The following LEF1 variants were observed in gnomAD, a reference collection of about 807,000 sequenced individuals.
The protein encoded by LEF1 is lymphoid enhancer-binding factor 1.
In LEF1, 14 loss-of-function variants were observed where a neutral mutation model predicts 51.2. The observed-to-expected ratio is 0.27, with a 90% CI of 0.18 to 0.43. The LOEUF (loss-of-function observed/expected upper bound fraction) is 0.43, where lower values mean the gene tolerates loss of function less well. Among genes scored for constraint, LEF1 ranks in the 20% least tolerant of loss-of-function variants. The probability of loss-of-function intolerance (pLI) is 1.00; values close to 1 mark genes in which losing one functional copy is unlikely to be tolerated. For synonymous variants in LEF1, 185 were observed against 183.2 expected, an observed-to-expected ratio of 1.01 and a Z score of -0.08; for missense variants, 386 against 512.0, an observed-to-expected ratio of 0.75 and a Z score of 2.37.
At chr4:108,157,549 G>A (rs80082245) in intron 3 of LEF1, among the ~76,000 whole-genome samples, 6,248 of 152,218 alleles carry the variant, frequency 0.041, 420 homozygotes, top group African/African-American at 0.14. Flanking sequence ...TCCACATAGG[G>A]TTATGTGTGA....
intron 3 of LEF1, among the ~76,000 whole-genome samples, chr4:108,158,610 G>A (rs2201967): frequency 0.041 from 6,225 of 151,816 alleles, 417 homozygotes; most frequent in African/African-American, 0.14. Context: ...TAAAATTCCA[G>A]TCATGTCTAT....
chr4:108,059,311 G>T (rs1364336895), intron 11 of LEF1, among the ~76,000 whole-genome samples: 1 of 152,144 alleles, frequency 6.6e-6, no homozygotes, highest in Admixed American at 6.5e-5. Flanking sequence ...AAACCCATAG[G>T]ATCTTTAAAG....
At chr4:108,107,550 TAA>T (rs556664249) in intron 3 of LEF1, among the ~76,000 whole-genome samples, 1 of 147,830 alleles carries the variant, frequency 6.8e-6, no homozygotes, top group African/African-American at 2.5e-5. Context: ...AGCTGTCTTG[TAA>T]AAAAAAAAAT....
chr4:108,161,755 T>G (rs1745066894), intron 3 of LEF1, among the ~76,000 whole-genome samples: 1 of 152,176 alleles, frequency 6.6e-6, no homozygotes, highest in Non-Finnish European at 1.5e-5. Context: ...AAGTAGCTGA[T>G]CTTTTTAAGA....
intron 3 of LEF1, among the ~76,000 whole-genome samples, chr4:108,149,921 TG>T (rs1401297387): frequency 6.6e-6 from 1 of 151,524 alleles, no homozygotes; most frequent in Non-Finnish European, 1.5e-5. Flanking sequence ...TGTTCTTTCA[TG>T]GGTTTTCCCC....
At chr4:108,158,417 A>T (rs1019998991) in intron 3 of LEF1, among the ~76,000 whole-genome samples, 1 of 142,996 alleles carries the variant, frequency 7.0e-6, no homozygotes, top group African/African-American at 2.4e-5. Flanking sequence ...TCCCTTAAAA[A>T]AAGAGAGAGA....
chr4:108,153,716 T>C (rs1056400783), intron 3 of LEF1, among the ~76,000 whole-genome samples: 2 of 152,286 alleles, frequency 1.3e-5, no homozygotes, highest in African/African-American at 4.8e-5. Flanking sequence ...AGTTAGAATA[T>C]ATGCACTTCA....
intron 3 of LEF1, among the ~76,000 whole-genome samples, chr4:108,137,133 GT>G (rs1743314344): frequency 6.6e-6 from 1 of 152,288 alleles, no homozygotes; most frequent in African/African-American, 2.4e-5. Context: ...ACGAAGAATA[GT>G]TTTTTAAATA....
intron 3 of LEF1, among the ~76,000 whole-genome samples, chr4:108,102,794 C>T (rs1560791514): frequency 1.3e-5 from 2 of 152,146 alleles, no homozygotes; most frequent in South Asian, 4.1e-4. Flanking sequence ...TGTGGTATAG[C>T]TATGAATGAG....
Position 108,092,930 on chromosome 4 carries a change from A to C in LEF1, c.415-3673T>G, listed in dbSNP as rs543781755. The stretch of plus-strand genomic sequence containing the variant: ...ACAATGAATATGTAAAAAAAAAAAA[A>C]AAAAAAAAAAAAAAAAAAAGACAAG... On this transcript the variant is annotated intron_variant, in intron 3 of 11. Transcript: ENST00000265165. Among the ~76,000 whole-genome samples, 30 of 143,834 alleles carry C rather than the reference A, an allele frequency of 2.1e-4. 1 individual carries two copies. The highest frequency in any genetic ancestry group is 3.5e-3 in the Middle Eastern group (1 of 286). The allele number at this position is 143,834 out of a possible 152,430, so 94.4% of individuals were successfully genotyped here.
chr4:108,104,377 T>G (rs1419901833), intron 3 of LEF1, among the ~76,000 whole-genome samples: 4 of 150,446 alleles, frequency 2.7e-5, no homozygotes, highest in Non-Finnish European at 4.4e-5. Context: ...AAGGCTAATT[T>G]TACTTTATAC....
At chr4:108,125,018 A>C (rs1444818322) in intron 3 of LEF1, among the ~76,000 whole-genome samples, 1 of 152,202 alleles carries the variant, frequency 6.6e-6, no homozygotes, top group Non-Finnish European at 1.5e-5. Context: ...GCTCATTCTG[A>C]CTTAGAATTC....
At chr4:108,059,088 C>T (rs966248910) in intron 11 of LEF1, among the ~76,000 whole-genome samples, 1 of 152,190 alleles carries the variant, frequency 6.6e-6, no homozygotes, top group African/African-American at 2.4e-5. Context: ...AAAAGTTTCC[C>T]CACAGTGTTG....
Position 108,167,630 on chromosome 4 carries a change from C to T in LEF1, c.138G>A (p.Glu46=). Residue 46 remains glutamate (E), a synonymous_variant, in exon 1 of 12, where the codon GAG becomes GAA. Coordinates refer to ENST00000265165, the MANE Select transcript of LEF1 (RefSeq NM_016269.5). The surrounding 1 kb of genome is among the most constrained non-coding windows in gnomAD (Gnocchi z 5.7). ...ACTTGATGTCAGCTAAATCGCCTTC[C>T]TCTTCGGGATGACTGATCTCGGCGA... ...KIFAEISHPE[E]EGDLADIKSS... is the part of the protein sequence containing the mutation. 2 of 1,614,226 alleles carry T rather than the reference C, an allele frequency of 1.2e-6. No homozygotes were observed. Among genetic ancestry groups the T allele is most frequent in the East Asian group, 2.2e-5 (1 of 44,872 alleles).
chr4:108,067,632 C>T (rs1198134374), intron 9 of LEF1, among the ~76,000 whole-genome samples: 1 of 151,700 alleles, frequency 6.6e-6, no homozygotes, highest in East Asian at 1.9e-4. Flanking sequence ...CGGGTTCAAG[C>T]AATTCTTCTG....
At chr4:108,149,458 C>CAAAAAAAAAAAAAAAAAAAAAAAAAAAA (rs371482539) in intron 3 of LEF1, among the ~76,000 whole-genome samples, 1 of 60,590 alleles carries the variant, frequency 1.7e-5, no homozygotes, top group African/African-American at 7.2e-5. Flanking sequence ...GACTCCGTCT[C>CAAAAAAAAAAAAAAAAAAAAAAAAAAAA]AAAAAAAAAA....
chr4:108,155,006 T>A (rs528578456), intron 3 of LEF1, among the ~76,000 whole-genome samples: 1 of 152,140 alleles, frequency 6.6e-6, no homozygotes, highest in East Asian at 1.9e-4. Flanking sequence ...ACAAGAAAGC[T>A]AGAAAAATTT....
chr4:108,077,676 T>C lies in LEF1; in HGVS notation c.1008+544A>G, dbSNP rs6855007. Among the ~76,000 whole-genome samples, 100 of 76,598 alleles carry C rather than the reference T, an allele frequency of 1.3e-3. 2 individuals carry two copies. Among genetic ancestry groups the C allele is most frequent in the Non-Finnish European group, 1.9e-3 (71 of 37,504 alleles). 50.3% of individuals were successfully genotyped at this position (76,598 alleles called of 152,430 possible). ...GCCCCGTCTGGGAAGTGAGGGGCGC[T>C]TCTGCGCAGCTGCCGCCCCATCTGG... On this transcript the variant is annotated intron_variant, in intron 8 of 11. Coordinates refer to ENST00000265165, the MANE Select transcript of LEF1 (RefSeq NM_016269.5).
intron 3 of LEF1, among the ~76,000 whole-genome samples, chr4:108,155,592 G>A (rs1744638717): frequency 6.6e-6 from 1 of 152,158 alleles, no homozygotes; most frequent in Admixed American, 6.5e-5. Context: ...ATCCCACCAG[G>A]TGGGGCCCAA....
Sources: gnomAD v4.1 joint callset for allele counts (sites outside exome capture counted in the v4.1 genomes callset) on GRCh38, gnomAD v4.1.1 for gene constraint, Gnocchi (gnomAD v3.1) non-coding constraint, MANE v1.5 for transcripts, NCBI Gene and HGNC (gene_info 2026-07-23, HGNC 2026-07-21) for gene names.